The following NBDY variants were observed in gnomAD, a reference collection of about 807,000 sequenced individuals.
The protein encoded by NBDY is negative regulator of P-body association, also known as P-body dissociating protein.
At chrX:56,759,276 C>G (rs2069626294) in intron 2 of NBDY, among the ~76,000 whole-genome samples, 3 of 112,088 alleles carry the variant, frequency 2.7e-5, no homozygotes, top group Admixed American at 9.4e-5. Context: ...GATCCCAGTC[C>G]ACCTGTGGTG....
At chrX:56,736,546 G>A (rs745855898) in intron 2 of NBDY, among the ~76,000 whole-genome samples, 17 of 112,439 alleles carry the variant, frequency 1.5e-4, no homozygotes, top group Admixed American at 6.5e-4. Flanking sequence ...GACCACAGGC[G>A]TGAGCCACCA....
At chrX:56,811,429 C>A (rs1051322642) in intron 2 of NBDY, among the ~76,000 whole-genome samples, 14 of 112,353 alleles carry the variant, frequency 1.2e-4, no homozygotes, top group African/African-American at 4.5e-4. Flanking sequence ...GGAACTGCTG[C>A]CTTTTTTTCA....
chrX:56,750,441 A>T (rs750706674), intron 2 of NBDY, among the ~76,000 whole-genome samples: 60 of 99,248 alleles, frequency 6.0e-4, no homozygotes, highest in African/African-American at 1.9e-3. Flanking sequence ...TCTTCTTGGC[A>T]ATCTCACCCA....
chrX:56,817,875 A>AT lies in NBDY; in HGVS notation c.*729dup, dbSNP rs1017732636. 1 of 111,001 alleles carries AT rather than the reference A, an allele frequency of 9.0e-6. No individual in the cohort carries two copies. Among genetic ancestry groups the AT allele is most frequent in the Admixed American group, 9.6e-5 (1 of 10,377 alleles). 9.1% of individuals were successfully genotyped at this position (111,001 alleles called of 1,213,427 possible). A position where few individuals can be genotyped will look rare whatever the true frequency, so the allele number is the denominator to read the frequency against. ...CATCCTAGTATTTTACATCTTAACT[A>AT]TTTTTTTCTGACTGAAATGGTTGAT... On this transcript the variant is annotated 3_prime_UTR_variant, in exon 3 of 3. Coordinates refer to ENST00000374922, the MANE Select transcript of NBDY (RefSeq NM_001348129.2).
At chrX:56,730,533 A>G (rs1396733555) in intron 1 of NBDY, among the ~76,000 whole-genome samples, 1 of 98,587 alleles carries the variant, frequency 1.0e-5, no homozygotes, top group Non-Finnish European at 2.1e-5. Flanking sequence ...AAAAAAAAAA[A>G]AAAAAAAAAA....
intron 2 of NBDY, among the ~76,000 whole-genome samples, chrX:56,782,057 C>T (rs1409920353): frequency 1.8e-5 from 2 of 111,180 alleles, no homozygotes; most frequent in Middle Eastern, 4.6e-3. Flanking sequence ...GGAAAGATCC[C>T]ATCGACAAGA....
At chrX:56,799,143 C>T (rs1250648846) in intron 2 of NBDY, among the ~76,000 whole-genome samples, 2 of 112,179 alleles carry the variant, frequency 1.8e-5, no homozygotes, top group African/African-American at 3.2e-5. Flanking sequence ...CCCAGGATAG[C>T]GCCCTGGCTC....
At chrX:56,793,482 C>T (rs2069774762) in intron 2 of NBDY, among the ~76,000 whole-genome samples, 1 of 110,769 alleles carries the variant, frequency 9.0e-6, no homozygotes, top group Non-Finnish European at 1.9e-5. Flanking sequence ...TTGTCTTCTC[C>T]TTGTCTTTTT....
At chrX:56,815,038 G>A (rs912990759) in intron 2 of NBDY, among the ~76,000 whole-genome samples, 53 of 110,961 alleles carry the variant, frequency 4.8e-4, no homozygotes, top group Admixed American at 1.1e-3. Context: ...TCTTAAAGTA[G>A]TGATAAATCA....
intron 2 of NBDY, among the ~76,000 whole-genome samples, chrX:56,736,667 G>C (rs1273573024): frequency 1.8e-5 from 2 of 112,566 alleles, no homozygotes; most frequent in African/African-American, 3.2e-5. Flanking sequence ...TTCCAAAGTG[G>C]AAAAGTCACT....
At chrX:56,785,609 G>T (rs756329235) in intron 2 of NBDY, among the ~76,000 whole-genome samples, 2 of 111,324 alleles carry the variant, frequency 1.8e-5, no homozygotes, top group Non-Finnish European at 3.8e-5. Context: ...GTGCGGGATG[G>T]GGTTGGGGTT....
chrX:56,736,212 A>G (rs1242717810), intron 2 of NBDY, among the ~76,000 whole-genome samples: 1 of 112,085 alleles, frequency 8.9e-6, no homozygotes, highest in Admixed American at 9.4e-5. Flanking sequence ...TCTCACCTCC[A>G]CCAAAGAAAG....
chrX:56,752,852 C>G (rs911422316), intron 2 of NBDY, among the ~76,000 whole-genome samples: 1 of 111,289 alleles, frequency 9.0e-6, no homozygotes, highest in Non-Finnish European at 1.9e-5. Context: ...CTCAAGTGAT[C>G]CACCTGCCTC....
At chrX:56,757,422 A>G (rs923704500) in intron 2 of NBDY, among the ~76,000 whole-genome samples, 21 of 112,379 alleles carry the variant, frequency 1.9e-4, no homozygotes, top group African/African-American at 6.5e-4. Context: ...TAACCACTAA[A>G]CACACTAATT....
intron 2 of NBDY, among the ~76,000 whole-genome samples, chrX:56,746,132 C>T (rs1288240601): frequency 9.0e-6 from 1 of 111,683 alleles, no homozygotes; most frequent in Non-Finnish European, 1.9e-5. Context: ...AGAGCATTTA[C>T]TTAGTCCGGT....
intron 1 of NBDY, among the ~76,000 whole-genome samples, chrX:56,730,209 G>C (rs1478163538): frequency 9.2e-6 from 1 of 109,231 alleles, no homozygotes; most frequent in Non-Finnish European, 1.9e-5. Context: ...TAGTAATCAT[G>C]AGCCATCAAA....
chrX:56,795,522 C>G (rs1244783377), intron 2 of NBDY, among the ~76,000 whole-genome samples: 1 of 112,256 alleles, frequency 8.9e-6, no homozygotes, highest in Non-Finnish European at 1.9e-5. Context: ...TGTTCTCTGT[C>G]TTTGCTTGTT....
chrX:56,730,293 A>G (rs1171853541), intron 1 of NBDY, among the ~76,000 whole-genome samples: 1 of 107,382 alleles, frequency 9.3e-6, no homozygotes, highest in Admixed American at 1.0e-4. Context: ...AGGTGAGCAG[A>G]TCAGGTCAGG....
intron 2 of NBDY, among the ~76,000 whole-genome samples, chrX:56,812,655 G>A (rs1366811824): frequency 9.0e-6 from 1 of 111,150 alleles, no homozygotes. Flanking sequence ...TTTCAGTGGT[G>A]TGTCCTTTCA....
Sources: allele counts gnomAD v4.1 joint callset (sites outside exome capture counted in the v4.1 genomes callset), GRCh38; gene constraint gnomAD v4.1.1; transcripts MANE v1.5; gene names NCBI Gene and HGNC (gene_info 2026-07-23, HGNC 2026-07-21).